The following USP31 variants were observed in gnomAD, a reference collection of about 807,000 sequenced individuals.
USP31 encodes the protein ubiquitin carboxyl-terminal hydrolase 31.
In USP31, 44 loss-of-function variants were observed where a neutral mutation model predicts 119.4. The observed-to-expected ratio is 0.37, with a 90% CI of 0.29 to 0.47. The LOEUF is 0.47. Among genes scored for constraint, USP31 ranks in the 20% least tolerant of loss-of-function variants. USP31 has a pLI of 0.99. For synonymous variants in USP31, 749 were observed against 705.6 expected (o/e 1.06, Z -0.97); for missense variants, 1,643 against 1,730.2 (o/e 0.95, Z 0.89).
Position 23,065,699 on chromosome 16 carries a change from CTTTTTT to C in USP31, c.*2341_*2346del, listed in dbSNP as rs961494288. ...AAAGGGATTTGTAGAAACGTTTTTCCTTTTTTTTTTTAAGTCACTAGACATCGTGGA... is the reference window on the plus strand; with the variant it reads ...AAAGGGATTTGTAGAAACGTTTTTCCTTTTTAAGTCACTAGACATCGTGGA... On this transcript the variant is annotated 3_prime_UTR_variant, in exon 16 of 16. Coordinates refer to ENST00000219689, the MANE Select transcript of USP31 (RefSeq NM_020718.4). The C allele has an allele frequency of 3.4e-5, 5 of 146,458 alleles. No individual in the cohort carries two copies. Among genetic ancestry groups the C allele is most frequent in the African/African-American group, 1.3e-4 (5 of 39,602 alleles). 9.1% of individuals were successfully genotyped at this position (146,458 alleles called of 1,614,324 possible).
chr16:23,132,306 T>G (rs1381424733), intron 1 of USP31, among the ~76,000 whole-genome samples: 1 of 152,138 alleles, frequency 6.6e-6, no homozygotes, highest in Admixed American at 6.5e-5. Context: ...TTTGAATGAT[T>G]TATTTTCCCC....
intron 1 of USP31, among the ~76,000 whole-genome samples, chr16:23,130,992 A>C (rs1903012839): frequency 6.6e-6 from 1 of 152,174 alleles, no homozygotes; most frequent in Admixed American, 6.5e-5. Flanking sequence ...TCTAACTTGG[A>C]GTATACGCTA....
In USP31 at chr16:23,076,270, G is replaced by A. The variant is rs116572222; in HGVS notation, c.2177-2390C>T. 2.4e-3 allele frequency among the ~76,000 whole-genome samples: 351 copies of A among 145,878 alleles called. 1 individual carries two copies. Among genetic ancestry groups the A allele is most frequent in the African/African-American group, 8.3e-3 (327 of 39,354 alleles). On this transcript the variant is annotated intron_variant, in intron 13 of 15. Coordinates refer to ENST00000219689, the MANE Select transcript of USP31 (RefSeq NM_020718.4). ...CTGCACATCCTGAACACGTACACCTGAACTTAAAAGTTGATGTTAAAAAAA... is the reference window on the plus strand; with the variant it reads ...CTGCACATCCTGAACACGTACACCTAAACTTAAAAGTTGATGTTAAAAAAA...
intron 1 of USP31, among the ~76,000 whole-genome samples, chr16:23,146,991 G>C (rs1250810025): frequency 6.6e-6 from 1 of 151,898 alleles, no homozygotes; most frequent in Non-Finnish European, 1.5e-5. Flanking sequence ...AAATGGGTGG[G>C]GGGTGAACAA....
intron 1 of USP31, among the ~76,000 whole-genome samples, chr16:23,142,975 G>A (rs1434010234): frequency 6.6e-6 from 1 of 152,126 alleles, no homozygotes; most frequent in African/African-American, 2.4e-5. Context: ...CATAGCACCA[G>A]AACCCCCAGC....
At position 23,069,456 on chromosome 16, in the gene USP31, A is replaced by T; in HGVS notation, c.2649T>A (p.Phe883Leu). The T allele has an allele frequency of 6.2e-7, 1 of 1,614,178 alleles. No individual in the cohort carries two copies. Among genetic ancestry groups the T allele is most frequent in the Non-Finnish European group, 8.5e-7 (1 of 1,180,022 alleles). ...LQMRSNSPSR[F>L]SGDSPIHSSA... The stretch of plus-strand genomic sequence containing the variant: ...AGCTGTGAATTGGCGAATCCCCTGA[A>T]AATCGGGATGGAGAATTGGAGCGCA... Residue 883 changes from phenylalanine (F) to leucine (L), a missense_variant, in exon 16 of 16, where the codon TTT becomes TTA. Phe to Leu is a conservative substitution (Grantham distance 22). Around this residue, in one of 5 missense-constraint regions of USP31, gnomAD observed 699 missense variants for 650.9 expected, o/e 1.07. Transcript: ENST00000219689.
intron 1 of USP31, among the ~76,000 whole-genome samples, chr16:23,141,323 T>C (rs1485355073): frequency 2.6e-5 from 4 of 152,118 alleles, no homozygotes; most frequent in Non-Finnish European, 4.4e-5. Context: ...TCCTGCCTGG[T>C]CACACCCATT....
At chr16:23,118,829 TG>T (rs1431955590) in intron 1 of USP31, among the ~76,000 whole-genome samples, 1 of 151,952 alleles carries the variant, frequency 6.6e-6, no homozygotes, top group East Asian at 2.0e-4. Context: ...CCTTAATGGC[TG>T]GGTGCAGTGG....
At chr16:23,140,068 T>C (rs776415515) in intron 1 of USP31, among the ~76,000 whole-genome samples, 11 of 152,182 alleles carry the variant, frequency 7.2e-5, no homozygotes, top group Non-Finnish European at 1.2e-4. Flanking sequence ...CTCCATTTGA[T>C]TCATTTTCAC....
At chr16:23,099,615 G>T (rs1172784598) in intron 6 of USP31, among the ~76,000 whole-genome samples, 1 of 152,110 alleles carries the variant, frequency 6.6e-6, no homozygotes, top group Non-Finnish European at 1.5e-5. Context: ...AAATCTTTAT[G>T]ACTTTGGATT....
intron 1 of USP31, among the ~76,000 whole-genome samples, chr16:23,134,891 TACACACACACAC>T (rs10580256): frequency 4.0e-5 from 6 of 149,732 alleles, no homozygotes; most frequent in Non-Finnish European, 7.4e-5. Flanking sequence ...TGTTACCTTA[TACACACACACAC>T]ACACACACAC....
intron 1 of USP31, among the ~76,000 whole-genome samples, chr16:23,116,625 A>C (rs1902493327): frequency 1.3e-5 from 2 of 152,206 alleles, no homozygotes; most frequent in South Asian, 4.1e-4. Context: ...GACAAATAAG[A>C]CTGAGAGGCC....
intron 12 of USP31, among the ~76,000 whole-genome samples, 156 bp from the exon 13 acceptor site, chr16:23,080,327 T>C (rs1900761798): frequency 6.6e-6 from 1 of 152,174 alleles, no homozygotes; most frequent in South Asian, 2.1e-4. Context: ...GATGATAGTT[T>C]TAGCTATCTA....
At chr16:23,127,288 A>T (rs899560329) in intron 1 of USP31, among the ~76,000 whole-genome samples, 5 of 151,946 alleles carry the variant, frequency 3.3e-5, no homozygotes, top group Non-Finnish European at 7.4e-5. Flanking sequence ...CTAGCTGGGC[A>T]TGGTGGTGAG....
intron 1 of USP31, 55 bp downstream of exon 1, chr16:23,148,583 G>C: frequency 7.1e-7 from 1 of 1,410,134 alleles, no homozygotes; most frequent in East Asian, 3.0e-5. Flanking sequence ...ACCTGGGCGG[G>C]CAGGTGCCCC....
intron 1 of USP31, among the ~76,000 whole-genome samples, chr16:23,111,823 A>C (rs1902328188): frequency 6.6e-6 from 1 of 152,238 alleles, no homozygotes; most frequent in African/African-American, 2.4e-5. Flanking sequence ...GAAAAGGGTG[A>C]TCAACAGTGT....
intron 6 of USP31, among the ~76,000 whole-genome samples, chr16:23,101,358 A>C (rs1901848240): frequency 6.6e-6 from 1 of 152,188 alleles, no homozygotes; most frequent in Non-Finnish European, 1.5e-5. Context: ...AGGAGCAACC[A>C]ATCTAAGAAA....
chr16:23,143,048 T>C (rs1903397199), intron 1 of USP31, among the ~76,000 whole-genome samples: 1 of 152,196 alleles, frequency 6.6e-6, no homozygotes, highest in African/African-American at 2.4e-5. Context: ...TGCCAGGTTG[T>C]TCACCACTAG....
chr16:23,083,145 T>C (rs571185350), intron 11 of USP31, among the ~76,000 whole-genome samples: 3 of 152,308 alleles, frequency 2.0e-5, no homozygotes, highest in East Asian at 1.9e-4. Flanking sequence ...TCACTTTCTA[T>C]GTGCCATGCA....
Sources: gnomAD v4.1 joint callset for allele counts (sites outside exome capture counted in the v4.1 genomes callset) on GRCh38, gnomAD v4.1.1 for gene constraint, gnomAD v4.1.1 regional missense constraint, MANE v1.5 for transcripts, NCBI Gene and HGNC (gene_info 2026-07-23, HGNC 2026-07-21) for gene names.